APPL1: variants seen among roughly 807,000 people sequenced by gnomAD.
APPL1 encodes the protein adaptor protein, phosphotyrosine interacting with PH domain and leucine zipper 1.
In APPL1, 42 loss-of-function variants were observed where a neutral mutation model predicts 106.8. That is an observed-to-expected ratio of 0.39 (90% CI 0.31 to 0.51). APPL1 has a LOEUF of 0.51. Among genes scored for constraint, APPL1 ranks in the 20% least tolerant of loss-of-function variants. The probability of loss-of-function intolerance (pLI) is 0.75; values close to 1 mark genes in which losing one functional copy is unlikely to be tolerated. For synonymous variants in APPL1, 263 were observed against 281.8 expected (o/e 0.93, Z 0.67); for missense variants, 769 against 858.2 (o/e 0.90, Z 1.30).
At chr3:57,250,313 A>C (rs984346405) in intron 11 of APPL1, among the ~76,000 whole-genome samples, 2 of 152,046 alleles carry the variant, frequency 1.3e-5, no homozygotes, top group African/African-American at 4.8e-5. Flanking sequence ...GCAATTAAAA[A>C]AAATTTTTTT....
chr3:57,265,143 T>C (rs2060887699), intron 19 of APPL1, among the ~76,000 whole-genome samples: 1 of 151,648 alleles, frequency 6.6e-6, no homozygotes, highest in Non-Finnish European at 1.5e-5. Flanking sequence ...TTTATAGTTT[T>C]TTGTTTTTTT....
intron 8 of APPL1, 21 bp from the exon 9 acceptor site, chr3:57,247,374 C>G: frequency 6.9e-7 from 1 of 1,439,960 alleles, no homozygotes; most frequent in Non-Finnish European, 9.7e-7. Context: ...TGTTCAATTC[C>G]CCCCACTCCC....
chr3:57,240,607 A>G, intron 5 of APPL1, 55 bp downstream of exon 5: 1 of 1,427,856 alleles, frequency 7.0e-7, no homozygotes, highest in East Asian at 2.3e-5. Context: ...AACACTTGTA[A>G]AATGCATATT....
intron 18 of APPL1, 91 bp from the exon 19 acceptor site, chr3:57,260,537 T>C: frequency 1.5e-5 from 18 of 1,196,190 alleles, no homozygotes; most frequent in South Asian, 6.2e-5. Flanking sequence ...AAAATATTTA[T>C]ATTTTTAGAA....
chr3:57,249,556 T>C lies in APPL1; in HGVS notation c.1052+8T>C, dbSNP rs186527020. The C allele has an allele frequency of 1.4e-5, 22 of 1,540,694 alleles. No homozygotes were observed. In the African/African-American group the frequency reaches 2.5e-4, roughly 17 times the overall value. On this transcript the variant is annotated splice_region_variant and intron_variant, in intron 11 of 21. Coordinates refer to ENST00000288266, the MANE Select transcript of APPL1 (RefSeq NM_012096.3). Reference sequence around the variant, plus strand: ...CTCTTTCGATGGAAAAAAGTTAGTATTTTTTTTCTACTACTACTAATCTAT... The same window carrying C: ...CTCTTTCGATGGAAAAAAGTTAGTACTTTTTTTCTACTACTACTAATCTAT...
intron 1 of APPL1, among the ~76,000 whole-genome samples, chr3:57,230,101 G>A (rs932973618): frequency 6.6e-5 from 10 of 152,180 alleles, no homozygotes; most frequent in Non-Finnish European, 1.2e-4. Context: ...AAATTTACTT[G>A]GGAAAATTAA....
In APPL1 at chr3:57,249,261, G is replaced by A. The variant is rs1279079985; in HGVS notation, c.864-99G>A. 4.7e-6 allele frequency: 6 copies of A among 1,264,094 alleles called. No homozygotes were observed. The Admixed American group carries it at 6.8e-5, about 14-fold the overall frequency. The allele number at this position is 1,264,094 out of a possible 1,614,324, so 78.3% of individuals were successfully genotyped here. Reference sequence around the variant, plus strand: ...TTTCTTGGCATCTTGGTGCCTCTTCGCAAGCCAGTTCATTGTAACATGCTT... The same window carrying A: ...TTTCTTGGCATCTTGGTGCCTCTTCACAAGCCAGTTCATTGTAACATGCTT... On this transcript the variant is annotated intron_variant, in intron 10 of 21. Coordinates refer to ENST00000288266, the MANE Select transcript of APPL1 (RefSeq NM_012096.3).
At chr3:57,253,818 T>G (rs2060818673) in intron 13 of APPL1, 80 bp downstream of exon 13, 1 of 1,223,298 alleles carries the variant, frequency 8.2e-7, no homozygotes, top group Admixed American at 4.1e-5. Context: ...TAATTCATAA[T>G]TTCTCAGGTT....
At chr3:57,248,109 C>G (rs1184881036) in intron 9 of APPL1, 84 bp from the exon 10 acceptor site, 1 of 1,401,282 alleles carries the variant, frequency 7.1e-7, no homozygotes, top group Non-Finnish European at 9.5e-7. Context: ...GAAAACATAC[C>G]CGAAACAAAT....
At chr3:57,229,479 T>G in intron 1 of APPL1, among the ~76,000 whole-genome samples, 1 of 152,128 alleles carries the variant, frequency 6.6e-6, no homozygotes, top group Non-Finnish European at 1.5e-5. Flanking sequence ...ATTGTGGTTT[T>G]TTTTTTTCTT....
intron 5 of APPL1, 62 bp downstream of exon 5, chr3:57,240,614 T>C: frequency 7.2e-7 from 1 of 1,387,246 alleles, no homozygotes; most frequent in Non-Finnish European, 1.0e-6. Flanking sequence ...GTAAAATGCA[T>C]ATTACTCTGT....
rs2060666878 is a variant in APPL1 at position 57,228,594 on chromosome 3, A to G, written c.54+657A>G. The stretch of plus-strand genomic sequence containing the variant: ...CGCTGCTCCCTGCAGACTTGGCCTT[A>G]ATAAACTCATCAAAATAAAAGCCCT... On this transcript the variant is annotated intron_variant, in intron 1 of 21. Coordinates refer to ENST00000288266, the MANE Select transcript of APPL1 (RefSeq NM_012096.3). The surrounding 1 kb of genome is among the most constrained non-coding windows in gnomAD (Gnocchi z 4.6). 6.6e-6 allele frequency among the ~76,000 whole-genome samples: 1 copy of G among 152,252 alleles called. No homozygotes were observed.
intron 1 of APPL1, among the ~76,000 whole-genome samples, chr3:57,229,549 G>A (rs2060674693): frequency 6.6e-6 from 1 of 151,764 alleles, no homozygotes; most frequent in Non-Finnish European, 1.5e-5. Flanking sequence ...TTTTGAGATG[G>A]GGATCTTGCT....
At chr3:57,233,319 C>CT (rs1443937302) in intron 1 of APPL1, among the ~76,000 whole-genome samples, 1 of 152,118 alleles carries the variant, frequency 6.6e-6, no homozygotes, top group East Asian at 1.9e-4. Context: ...TTTTAAGCTA[C>CT]TAACTTTAAA....
intron 13 of APPL1, among the ~76,000 whole-genome samples, chr3:57,255,557 T>G (rs1408335091): frequency 6.6e-6 from 1 of 152,162 alleles, no homozygotes; most frequent in Non-Finnish European, 1.5e-5. Flanking sequence ...AGGAGGAAGT[T>G]TTGAACCATA....
At chr3:57,253,820 T>A in intron 13 of APPL1, 82 bp downstream of exon 13, 1 of 1,213,852 alleles carries the variant, frequency 8.2e-7, no homozygotes, top group Non-Finnish European at 1.1e-6. Flanking sequence ...ATTCATAATT[T>A]CTCAGGTTCT....
intron 15 of APPL1, among the ~76,000 whole-genome samples, chr3:57,258,315 A>G (rs2060848054): frequency 6.6e-6 from 1 of 152,096 alleles, no homozygotes; most frequent in Admixed American, 6.6e-5. Context: ...GCGCCACCAC[A>G]CCCAGCTAAT....
chr3:57,268,678 C>A, intron 21 of APPL1, 191 bp downstream of exon 21: 1 of 436,472 alleles, frequency 2.3e-6, no homozygotes, highest in Non-Finnish European at 3.7e-6. Context: ...ATTATAGTTA[C>A]GTTGACATGT....
At chr3:57,254,696 C>T (rs1261554046) in intron 13 of APPL1, among the ~76,000 whole-genome samples, 47 of 152,252 alleles carry the variant, frequency 3.1e-4, no homozygotes, top group African/African-American at 9.9e-4. Flanking sequence ...GCTATCTCAG[C>T]CCACTGCAGC....
Sources: allele counts gnomAD v4.1 joint callset (sites outside exome capture counted in the v4.1 genomes callset), GRCh38; gene constraint gnomAD v4.1.1; non-coding constraint Gnocchi (gnomAD v3.1); transcripts MANE v1.5; gene names NCBI Gene and HGNC (gene_info 2026-07-23, HGNC 2026-07-21).